GAS2L1: variants seen among roughly 807,000 people sequenced by gnomAD.
GAS2L1 encodes growth arrest specific 2 like 1.
A neutral mutation model predicts 44.0 loss-of-function variants in GAS2L1; 26 were observed. The observed-to-expected ratio is 0.59, with a 90% CI of 0.43 to 0.82. The LOEUF (loss-of-function observed/expected upper bound fraction) is 0.82, where lower values mean the gene tolerates loss of function less well. Ranked by LOEUF, GAS2L1 falls within the 40% of genes least tolerant of loss-of-function variation. The probability of loss-of-function intolerance (pLI) is 0.00; values close to 1 mark genes in which losing one functional copy is unlikely to be tolerated. For missense variants in GAS2L1, 1,006 were observed against 983.0 expected (o/e 1.02, Z -0.31); for synonymous variants, 426 against 415.9 (o/e 1.02, Z -0.30).
chr22:29,311,957 C>T (rs2061413540), exon 5 of GAS2L1: 1 of 1,607,984 alleles, frequency 6.2e-7, no homozygotes, highest in Non-Finnish European at 8.5e-7. Context: ...CGGCCAGCAT[C>T]TTCCGCACAC....
chr22:29,310,750 G>A lies in GAS2L1; in HGVS notation c.838+16G>A. 1 of 1,605,910 alleles carries A rather than the reference G, an allele frequency of 6.2e-7. No homozygotes were observed. Among genetic ancestry groups the A allele is most frequent in the Non-Finnish European group, 8.5e-7 (1 of 1,177,374 alleles). ...TCCTCCACTGGTCAGTGCCAGGGTGGGGCTGGGGCTGGACGGGCAGGGGAC... is the reference window on the plus strand; with the variant it reads ...TCCTCCACTGGTCAGTGCCAGGGTGAGGCTGGGGCTGGACGGGCAGGGGAC... On this transcript the variant is annotated intron_variant, in intron 3 of 4. Transcript: ENST00000618518.
intron 1 of GAS2L1, among the ~76,000 whole-genome samples, chr22:29,309,641 C>T (rs2061383010): frequency 6.6e-6 from 1 of 152,186 alleles, no homozygotes; most frequent in South Asian, 2.1e-4. Context: ...TGGTGGGGGG[C>T]TGTATGTGGT....
chr22:29,308,161 T>A, exon 1 of GAS2L1: 1 of 1,592,230 alleles, frequency 6.3e-7, no homozygotes, highest in South Asian at 1.1e-5. Context: ...GTGCGGCCAT[T>A]TCGCTCCAGT....
intron 1 of GAS2L1, 79 bp from the exon 3 acceptor site, chr22:29,310,360 C>G (rs979649407): frequency 1.2e-6 from 1 of 804,770 alleles, no homozygotes; most frequent in Non-Finnish European, 2.1e-6. Flanking sequence ...CTGACTTCCT[C>G]CTGACCCTGG....
exon 5 of GAS2L1, chr22:29,312,437 G>A (rs147266770): frequency 6.5e-7 from 1 of 1,537,878 alleles, no homozygotes; most frequent in East Asian, 2.3e-5. Flanking sequence ...CCGCAGAGCT[G>A]GGGACATGGC....
exon 4 of GAS2L1, chr22:29,310,914 C>T (rs764742161): frequency 1.9e-6 from 3 of 1,613,772 alleles, no homozygotes; most frequent in South Asian, 2.2e-5. Context: ...AGCCCAGTCC[C>T]TGGGAGTGAG....
At chr22:29,312,100 C>A in exon 5 of GAS2L1, 1 of 1,612,620 alleles carries the variant, frequency 6.2e-7, no homozygotes. Flanking sequence ...CCAGCTCGGG[C>A]CCCCGACCCT....
exon 5 of GAS2L1, chr22:29,312,574 C>T: frequency 9.0e-7 from 1 of 1,106,244 alleles, no homozygotes; most frequent in Non-Finnish European, 1.3e-6. Context: ...CATCAGGGAG[C>T]CCCCTCTGCC....
chr22:29,312,597 G>GAC, exon 5 of GAS2L1: 1 of 801,814 alleles, frequency 1.2e-6, no homozygotes, highest in East Asian at 2.8e-5. Context: ...TTGAGTACCA[G>GAC]ACCTCATGGG....
chr22:29,308,783 A>T, intron 1 of GAS2L1, 45 bp downstream of exon 2: 1 of 1,428,518 alleles, frequency 7.0e-7, no homozygotes, highest in Non-Finnish European at 9.2e-7. Context: ...CAGCACAGCC[A>T]GTGCCTGCAA....
At position 29,311,973 on chromosome 22, in the gene GAS2L1, C is replaced by G. The variant is rs772222459; in HGVS notation, c.1522C>G (p.Gln508Glu). 6 of 1,609,602 alleles carry G rather than the reference C, an allele frequency of 3.7e-6. No homozygotes were observed. The Admixed American group carries it at 6.7e-5, about 18-fold the overall frequency. ...GGCCAGCATCTTCCGCACACCCCTG[C>G]AGCTCGACCCGCAGCAGGAGCAGCA... Residue 508 changes from glutamine to glutamate, a missense_variant, in exon 5 of 5, where the codon CAG (glutamine) becomes GAG (glutamate). Coordinates refer to ENST00000618518, the Ensembl canonical transcript of GAS2L1.
chr22:29,309,692 G>A (rs577287014), intron 1 of GAS2L1, among the ~76,000 whole-genome samples: 7 of 152,332 alleles, frequency 4.6e-5, no homozygotes, highest in East Asian at 1.9e-4. Context: ...GCATGTGTCC[G>A]ATGTGTCTGT....
chr22:29,310,937 C>T (rs61737776), exon 4 of GAS2L1: 2 of 1,613,730 alleles, frequency 1.2e-6, no homozygotes, highest in Non-Finnish European at 1.7e-6. Context: ...CCGGGGCTCC[C>T]GGCCTGAGAT....
intron 1 of GAS2L1, among the ~76,000 whole-genome samples, chr22:29,309,875 C>G (rs1278938742): frequency 1.3e-5 from 2 of 152,324 alleles, no homozygotes; most frequent in East Asian, 3.9e-4. Flanking sequence ...GGATGTTCGT[C>G]ACCGGGTCTC....
chr22:29,310,060 T>C (rs1274495827), intron 1 of GAS2L1, among the ~76,000 whole-genome samples: 1 of 151,934 alleles, frequency 6.6e-6, no homozygotes, highest in Non-Finnish European at 1.5e-5. Flanking sequence ...CTGACCAACA[T>C]GGAGAAACCC....
exon 2 of GAS2L1, chr22:29,310,525 G>T (rs200625190): frequency 2.2e-5 from 35 of 1,609,014 alleles, no homozygotes; most frequent in Admixed American, 3.3e-5. Flanking sequence ...TGGGGGACTC[G>T]AGCCTGCTCA....
At chr22:29,312,286 G>A in exon 5 of GAS2L1, 1 of 1,609,600 alleles carries the variant, frequency 6.2e-7, no homozygotes, top group South Asian at 1.1e-5. Context: ...CCTGGCATGG[G>A]GGGGCCACTA....
Position 29,310,737 on chromosome 22 carries a change from C to T in GAS2L1, c.838+3C>T, listed in dbSNP as rs1234830797. 1.9e-6 allele frequency: 3 copies of T among 1,608,264 alleles called. No homozygotes were observed. The South Asian group carries it at 3.3e-5, about 18-fold the overall frequency. On this transcript the variant is annotated splice_donor_region_variant and intron_variant, in intron 3 of 4. Coordinates refer to ENST00000618518, the Ensembl canonical transcript of GAS2L1. ...CCCGTGCCGCTGCTCCTCCACTGGT[C>T]AGTGCCAGGGTGGGGCTGGGGCTGG...
At chr22:29,312,295 T>G (rs1190987537) in exon 5 of GAS2L1, 1 of 1,608,548 alleles carries the variant, frequency 6.2e-7, no homozygotes, top group Non-Finnish European at 8.5e-7. Flanking sequence ...GGGGGGCCAC[T>G]AGATGCACCT....
Sources: gnomAD v4.1 joint callset for allele counts (sites outside exome capture counted in the v4.1 genomes callset) on GRCh38, gnomAD v4.1.1 for gene constraint, MANE v1.5 for transcripts, NCBI Gene and HGNC (gene_info 2026-07-23, HGNC 2026-07-21) for gene names.